CPAMD8: variants seen among roughly 807,000 people sequenced by gnomAD.
The protein encoded by CPAMD8 is C3 and PZP like alpha-2-macroglobulin domain containing 8, also known as C3 and PZP-like alpha-2-macroglobulin domain-containing protein 8.
A neutral mutation model predicts 224.7 loss-of-function variants in CPAMD8; 146 were observed. The ratio of observed to expected loss-of-function variants is 0.65; its 90% CI spans 0.57 to 0.75. The LOEUF (loss-of-function observed/expected upper bound fraction) is 0.75. Ranked by LOEUF, CPAMD8 falls within the 30% of genes least tolerant of loss-of-function variation. The pLI, the probability that CPAMD8 is intolerant of heterozygous loss-of-function variation, is 0.00. For synonymous variants in CPAMD8, 966 were observed against 1,044.6 expected, an observed-to-expected ratio of 0.92 and a Z score of 1.45; for missense variants, 2,301 against 2,537.5, an observed-to-expected ratio of 0.91 and a Z score of 2.00.
intron 7 of CPAMD8, among the ~76,000 whole-genome samples, chr19:17,007,168 T>C (rs1447855748): frequency 1.3e-5 from 2 of 151,940 alleles, no homozygotes; most frequent in African/African-American, 4.8e-5. Context: ...ACCCTGTGTC[T>C]ACTAAAAATA....
intron 15 of CPAMD8, 150 bp downstream of exon 15, chr19:16,977,218 C>A: frequency 1.6e-6 from 1 of 611,578 alleles, no homozygotes; most frequent in South Asian, 2.1e-5. Flanking sequence ...GGAGATGCTT[C>A]AGTAAAGATG....
chr19:16,980,776 G>T, intron 13 of CPAMD8, 90 bp from the exon 14 acceptor site: 1 of 1,086,372 alleles, frequency 9.2e-7, no homozygotes. Context: ...CCAGAGGGAG[G>T]TTGGGATGGC....
intron 25 of CPAMD8, among the ~76,000 whole-genome samples, chr19:16,926,277 T>C (rs1004665078): frequency 2.0e-5 from 3 of 151,916 alleles, no homozygotes; most frequent in African/African-American, 7.3e-5. Flanking sequence ...GGACCCCCAA[T>C]GTCCCCTGAA....
intron 22 of CPAMD8, among the ~76,000 whole-genome samples, chr19:16,941,458 T>C (rs150295895): frequency 7.2e-5 from 11 of 152,216 alleles, no homozygotes; most frequent in African/African-American, 2.7e-4. Context: ...ATTCCATTGA[T>C]ACAAAATGTC....
At chr19:17,012,443 G>T (rs1466868969) in intron 3 of CPAMD8, among the ~76,000 whole-genome samples, 1 of 151,658 alleles carries the variant, frequency 6.6e-6, no homozygotes, top group African/African-American at 2.4e-5. Flanking sequence ...GGCCTGCTGG[G>T]CGCAAGCAAT....
chr19:16,942,227 C>A (rs184510151), intron 22 of CPAMD8, among the ~76,000 whole-genome samples: 28 of 152,162 alleles, frequency 1.8e-4, no homozygotes, highest in Admixed American at 1.7e-3. Context: ...TTTGGGAGAC[C>A]GAGGCGGGCG....
chr19:17,011,199 G>A (rs116511450), intron 5 of CPAMD8, among the ~76,000 whole-genome samples: 4,968 of 151,722 alleles, frequency 0.033, 257 homozygotes, highest in African/African-American at 0.11. Flanking sequence ...TCGGTCTTGG[G>A]GAAAAAAAAA....
intron 3 of CPAMD8, among the ~76,000 whole-genome samples, chr19:17,012,085 T>G (rs1204376452): frequency 6.6e-6 from 1 of 152,128 alleles, no homozygotes; most frequent in East Asian, 1.9e-4. Flanking sequence ...AGTGGCACTA[T>G]CTCAGCTCAT....
At chr19:16,967,300 G>C (rs1004816941) in intron 18 of CPAMD8, among the ~76,000 whole-genome samples, 4 of 144,446 alleles carry the variant, frequency 2.8e-5, no homozygotes, top group African/African-American at 1.0e-4. Context: ...GAGAACACCT[G>C]GACACAGGGC....
chr19:16,995,287 AG>A, intron 11 of CPAMD8, among the ~76,000 whole-genome samples: 1 of 152,374 alleles, frequency 6.6e-6, no homozygotes, highest in East Asian at 1.9e-4. Flanking sequence ...AGACAGATGC[AG>A]GGCCAGGGAT....
At chr19:16,989,916 G>T (rs2055879882) in intron 12 of CPAMD8, 145 bp from the exon 13 acceptor site, 4 of 764,142 alleles carry the variant, frequency 5.2e-6, no homozygotes, top group East Asian at 2.7e-5. Context: ...AATCCTCAGG[G>T]AGTAATAGCC....
chr19:16,975,386 C>T (rs1422523260), intron 16 of CPAMD8, 128 bp from the exon 17 acceptor site: 1 of 707,358 alleles, frequency 1.4e-6, no homozygotes, highest in African/African-American at 1.8e-5. Flanking sequence ...AGGAGATGGG[C>T]ACTGGTAGCA....
chr19:16,906,591 A>G (rs1219462916), intron 30 of CPAMD8, among the ~76,000 whole-genome samples: 1 of 151,080 alleles, frequency 6.6e-6, no homozygotes, highest in Non-Finnish European at 1.5e-5. Context: ...TTTAGGAGAG[A>G]CGGGGTTTCA....
chr19:16,937,223 C>T (rs527423323), intron 23 of CPAMD8, among the ~76,000 whole-genome samples: 158 of 152,170 alleles, frequency 1.0e-3, no homozygotes, highest in Middle Eastern at 3.4e-3. Flanking sequence ...CAACCTCCAC[C>T]TCCTGGGCTC....
intron 18 of CPAMD8, among the ~76,000 whole-genome samples, chr19:16,963,107 G>A (rs562909200): frequency 2.0e-5 from 3 of 152,234 alleles, no homozygotes; most frequent in East Asian, 1.9e-4. Context: ...TGTAAAGACC[G>A]TTGATGCTAT....
Position 16,974,779 on chromosome 19 carries a change from C to T in CPAMD8, c.2070+318G>A, listed in dbSNP as rs957953896. Reference sequence around the variant, plus strand: ...GCCAGGAGTTTGACACTAGCCAGGGCCACGTAGCAAGACCCCATCTCTACA... The same window carrying T: ...GCCAGGAGTTTGACACTAGCCAGGGTCACGTAGCAAGACCCCATCTCTACA... On this transcript the variant is annotated intron_variant, in intron 17 of 41. Coordinates refer to ENST00000443236, the MANE Select transcript of CPAMD8 (RefSeq NM_015692.5). Among the ~76,000 whole-genome samples the T allele has an allele frequency of 1.8e-4, 28 of 151,940 alleles. 1 individual carries two copies. Among genetic ancestry groups the T allele is most frequent in the Non-Finnish European group, 1.5e-5 (1 of 67,984 alleles).
At chr19:16,973,960 G>C in intron 17 of CPAMD8, among the ~76,000 whole-genome samples, 1 of 150,966 alleles carries the variant, frequency 6.6e-6, no homozygotes, top group East Asian at 2.0e-4. Context: ...CTCCCAAGTA[G>C]CTGGGACTAC....
At chr19:16,987,330 T>A (rs1568566872) in intron 13 of CPAMD8, among the ~76,000 whole-genome samples, 1 of 151,236 alleles carries the variant, frequency 6.6e-6, no homozygotes, top group African/African-American at 2.4e-5. Context: ...CACTGATGTG[T>A]GGATTTTCTT....
In CPAMD8 at chr19:16,901,228, G is replaced by T. The variant is rs770079046; in HGVS notation, c.4755C>A (p.Asp1585Glu). ...EVPLLSGFRA[D>E]IESLEQLLLD... The stretch of plus-strand genomic sequence containing the variant: ...GCCTCACCTGCTCCAGGCTCTCGAT[G>T]TCTGCCCGGAAGCCTGACAGCAGGG... The change falls in exon 36 of 42, where the codon GAC becomes GAA. Residue 1585 changes from aspartate (D) to glutamate (E), a missense_variant. Coordinates refer to ENST00000443236, the MANE Select transcript of CPAMD8 (RefSeq NM_015692.5). 6 of 1,611,286 alleles carry T rather than the reference G, an allele frequency of 3.7e-6. No homozygotes were observed. In the East Asian group the frequency reaches 1.3e-4, roughly 36 times the overall value.
Sources: allele counts gnomAD v4.1 joint callset (sites outside exome capture counted in the v4.1 genomes callset), GRCh38; gene constraint gnomAD v4.1.1; transcripts MANE v1.5; gene names NCBI Gene and HGNC (gene_info 2026-07-23, HGNC 2026-07-21).